KLF7: variants seen among roughly 807,000 people sequenced by gnomAD.
KLF7 encodes KLF transcription factor 7.
Under a neutral mutation model 27.3 loss-of-function variants are expected in KLF7, and 2 were observed. The observed-to-expected ratio is 0.07, with a 90% confidence interval of 0.03 to 0.23. KLF7 has a LOEUF of 0.23. Ranked by LOEUF, KLF7 falls within the 10% of genes least tolerant of loss-of-function variation. KLF7 has a pLI of 1.00. For synonymous variants in KLF7, 165 were observed against 162.4 expected (o/e 1.02, Z -0.12); for missense variants, 221 against 394.1 (o/e 0.56, Z 3.72).
At chr2:207,147,529 A>G (rs972054676) in intron 1 of KLF7, among the ~76,000 whole-genome samples, 1 of 152,038 alleles carries the variant, frequency 6.6e-6, no homozygotes, top group African/African-American at 2.4e-5. Flanking sequence ...TTTACAGAAG[A>G]TAATTGGCTT....
chr2:207,103,602 C>A (rs776344366), intron 2 of KLF7, among the ~76,000 whole-genome samples: 7 of 152,182 alleles, frequency 4.6e-5, no homozygotes, highest in Non-Finnish European at 7.4e-5. Context: ...GGAGATGTTG[C>A]CCCATGTGTA....
rs1302470412 is a variant in KLF7 at position 207,079,548 on chromosome 2, T to C, written c.*1665A>G. ...CCACCCCGCTTGCTTGCATAGGCCA[T>C]TTGATGGTCCTAAAGGCAGTCTTTG... On this transcript the variant is annotated 3_prime_UTR_variant, in exon 4 of 4. Transcript: ENST00000309446. The C allele has an allele frequency of 1.3e-5, 2 of 152,324 alleles. No homozygotes were observed. Among genetic ancestry groups the C allele is most frequent in the Middle Eastern group, 3.4e-3 (1 of 294 alleles). 9.4% of individuals were successfully genotyped at this position (152,324 alleles called of 1,614,324 possible).
In KLF7 at chr2:207,155,295, G is replaced by A. The variant is rs1345132715; in HGVS notation, c.102+10172C>T. Among the ~76,000 whole-genome samples, 6 of 151,994 alleles carry A rather than the reference G, an allele frequency of 3.9e-5. No individual in the cohort carries two copies. In the East Asian group the frequency reaches 1.2e-3, roughly 29 times the overall value. ...ACAGTACTATGATGGTTATTTTTAT[G>A]ACAGGAAGATTAGCCAAGTGGAAAG... On this transcript the variant is annotated intron_variant, in intron 1 of 3. Coordinates refer to ENST00000309446, the MANE Select transcript of KLF7 (RefSeq NM_003709.4).
chr2:207,116,016 G>GA (rs1366422058), intron 2 of KLF7, among the ~76,000 whole-genome samples: 2 of 152,050 alleles, frequency 1.3e-5, no homozygotes, highest in South Asian at 2.1e-4. Context: ...GAATGCAGAA[G>GA]AAAAAAACCC....
At chr2:207,126,792 C>G (rs914930899) in intron 1 of KLF7, among the ~76,000 whole-genome samples, 1 of 145,924 alleles carries the variant, frequency 6.9e-6, no homozygotes, top group Non-Finnish European at 1.5e-5. Flanking sequence ...GGCAAGACAG[C>G]GAGACCCTGT....
At chr2:207,140,564 C>G (rs867000017) in intron 1 of KLF7, among the ~76,000 whole-genome samples, 40 of 152,232 alleles carry the variant, frequency 2.6e-4, no homozygotes, top group Middle Eastern at 3.4e-3. Flanking sequence ...CAGTAAGCAT[C>G]TCATTCTTGT....
intron 2 of KLF7, among the ~76,000 whole-genome samples, chr2:207,109,210 T>A (rs1187785145): frequency 6.6e-6 from 1 of 152,212 alleles, no homozygotes; most frequent in Non-Finnish European, 1.5e-5. Context: ...CCAACTAAGA[T>A]CAAGGATTCT....
intron 1 of KLF7, among the ~76,000 whole-genome samples, chr2:207,127,774 T>C (rs200406326): frequency 6.6e-6 from 1 of 151,524 alleles, no homozygotes; most frequent in Non-Finnish European, 1.5e-5. Flanking sequence ...ACCCAGGAGG[T>C]GGAGGTTGCA....
In KLF7 at chr2:207,081,073, G is replaced by T. The variant is rs1176530957; in HGVS notation, c.*140C>A. 3 of 727,216 alleles carry T rather than the reference G, an allele frequency of 4.1e-6. No homozygotes were observed. Among genetic ancestry groups the T allele is most frequent in the African/African-American group, 3.5e-5 (2 of 57,566 alleles). 45.0% of individuals were successfully genotyped at this position (727,216 alleles called of 1,614,324 possible). On this transcript the variant is annotated 3_prime_UTR_variant, in exon 4 of 4. Transcript: ENST00000309446. ...TGAGTGTGTGTATATGTGTGTGTGT[G>T]TGTGTGTGTGTACAGAGGTTTATAA...
intron 1 of KLF7, 152 bp downstream of exon 1, chr2:207,165,315 T>C: frequency 8.5e-7 from 1 of 1,172,318 alleles, no homozygotes; most frequent in Non-Finnish European, 1.2e-6. Context: ...CAGATGACTG[T>C]TTCAGAAAAC....
intron 2 of KLF7, among the ~76,000 whole-genome samples, chr2:207,111,541 G>A (rs1191075255): frequency 2.0e-5 from 3 of 152,206 alleles, no homozygotes; most frequent in African/African-American, 7.2e-5. Flanking sequence ...TTCCAATTCT[G>A]TCAACCGGTT....
At chr2:207,102,126 T>TCTCA (rs2076779248) in intron 2 of KLF7, among the ~76,000 whole-genome samples, 1 of 141,172 alleles carries the variant, frequency 7.1e-6, no homozygotes, top group Non-Finnish European at 1.6e-5. Flanking sequence ...ACATTCACAT[T>TCTCA]CACACACACA....
intron 1 of KLF7, among the ~76,000 whole-genome samples, chr2:207,150,996 T>TAA (rs2078227206): frequency 7.1e-5 from 1 of 14,118 alleles, no homozygotes; most frequent in Non-Finnish European, 7.0e-4. Context: ...GTTCTCTTTA[T>TAA]TAAAAAAAAA....
At chr2:207,137,697 A>C (rs1355096143) in intron 1 of KLF7, among the ~76,000 whole-genome samples, 1 of 152,218 alleles carries the variant, frequency 6.6e-6, no homozygotes, top group African/African-American at 2.4e-5. Context: ...TCACATGTGC[A>C]TAGTGTGCCA....
At chr2:207,131,018 C>T (rs756358072) in intron 1 of KLF7, among the ~76,000 whole-genome samples, 10 of 152,168 alleles carry the variant, frequency 6.6e-5, no homozygotes, top group Non-Finnish European at 1.5e-4. Context: ...CCACCTATCT[C>T]GCCTAAAAGG....
At chr2:207,082,133 C>T (rs2076287014) in intron 3 of KLF7, among the ~76,000 whole-genome samples, 1 of 152,156 alleles carries the variant, frequency 6.6e-6, no homozygotes, top group Admixed American at 6.5e-5. Context: ...TTTCCTCTAA[C>T]ACCAGCTATT....
At chr2:207,121,368 A>G (rs2077335581) in intron 2 of KLF7, 1 of 152,242 alleles carries the variant, frequency 6.6e-6, no homozygotes, top group South Asian at 2.1e-4. Flanking sequence ...AATAGCTACA[A>G]TCAACCCCAC....
intron 1 of KLF7, among the ~76,000 whole-genome samples, chr2:207,138,596 G>A (rs2077852681): frequency 6.6e-6 from 1 of 152,170 alleles, no homozygotes; most frequent in South Asian, 2.1e-4. Context: ...AAACTACCTT[G>A]TTGACAGATC....
intron 2 of KLF7, among the ~76,000 whole-genome samples, chr2:207,093,579 T>C (rs1452440232): frequency 2.6e-5 from 4 of 152,214 alleles, no homozygotes; most frequent in Admixed American, 6.5e-5. Context: ...CTTAATTACT[T>C]TGAAATGCAG....
Sources: gnomAD v4.1 joint callset for allele counts (sites outside exome capture counted in the v4.1 genomes callset) on GRCh38, gnomAD v4.1.1 for gene constraint, MANE v1.5 for transcripts, NCBI Gene and HGNC (gene_info 2026-07-23, HGNC 2026-07-21) for gene names.